CD300A: variants seen among roughly 807,000 people sequenced by gnomAD.
The protein encoded by CD300A is CMRF35-like molecule 8.
CD300A carries 22 observed loss-of-function variants against 33.6 expected under a neutral mutation model. The ratio of observed to expected loss-of-function variants is 0.66; its 90% CI spans 0.47 to 0.94. CD300A has a LOEUF of 0.94. Among genes scored for constraint, CD300A ranks in the 40% least tolerant of loss-of-function variants. CD300A has a pLI of 0.00. For missense variants in CD300A, 326 were observed against 360.5 expected, an observed-to-expected ratio of 0.90 and a Z score of 0.77; for synonymous variants, 136 against 148.1, an observed-to-expected ratio of 0.92 and a Z score of 0.59.
chr17:74,481,373 T>C (rs753746560), intron 5 of CD300A, 47 bp downstream of exon 5: 2 of 1,576,664 alleles, frequency 1.3e-6, no homozygotes, highest in South Asian at 2.2e-5. Context: ...GGGCGGAGGG[T>C]ACAGAGGCTG....
Position 74,484,268 on chromosome 17 carries a change from C to G in CD300A, c.*142C>G, listed in dbSNP as rs966340196. On this transcript the variant is annotated 3_prime_UTR_variant, in exon 7 of 7. Coordinates refer to ENST00000360141, the MANE Select transcript of CD300A (RefSeq NM_007261.4). ...CAGGCAGCTGGGTTTCCCAGGCCATCCCTCTGTTGCCATCAGCTTGATTGG... is the reference window on the plus strand; with the variant it reads ...CAGGCAGCTGGGTTTCCCAGGCCATGCCTCTGTTGCCATCAGCTTGATTGG... The G allele has an allele frequency of 2.3e-6, 2 of 867,204 alleles. No individual in the cohort carries two copies. Among genetic ancestry groups the G allele is most frequent in the African/African-American group, 3.4e-5 (2 of 58,796 alleles). The allele number at this position is 867,204 out of a possible 1,614,324, so 53.7% of individuals were successfully genotyped here.
chr17:74,467,464 C>T (rs11868856), intron 1 of CD300A, among the ~76,000 whole-genome samples: 1 of 151,742 alleles, frequency 6.6e-6, no homozygotes, highest in Non-Finnish European at 1.5e-5. Context: ...AAAGATCGGG[C>T]AGAGAAGCGC....
At chr17:74,483,516 C>G (rs934990669) in intron 6 of CD300A, among the ~76,000 whole-genome samples, 16 of 152,028 alleles carry the variant, frequency 1.1e-4, no homozygotes, top group African/African-American at 3.9e-4. Flanking sequence ...ACCACCACGC[C>G]CAGCTAGTTT....
rs777651028 is a variant in CD300A, at chr17:74,481,276, C to A, written c.629-13C>A. 3 of 1,613,650 alleles carry A rather than the reference C, an allele frequency of 1.9e-6. No homozygotes were observed. The highest frequency in any genetic ancestry group is 2.5e-6 in the Non-Finnish European group (3 of 1,179,816). ...TCCGGGATTCAACCTCCTTCCTCTCCTCTTGTCTCTAGCTGGTGACCATTC... is the reference window on the plus strand; with the variant it reads ...TCCGGGATTCAACCTCCTTCCTCTCATCTTGTCTCTAGCTGGTGACCATTC... On this transcript the variant is annotated splice_polypyrimidine_tract_variant and intron_variant, in intron 4 of 6. Transcript: ENST00000360141.
intron 1 of CD300A, among the ~76,000 whole-genome samples, chr17:74,471,880 A>G (rs566914316): frequency 2.0e-5 from 3 of 152,240 alleles, no homozygotes; most frequent in East Asian, 1.9e-4. Flanking sequence ...CGTTGAAGGT[A>G]TAAGAAGGAG....
At chr17:74,466,452 G>A, upstream of CD300A, 1 of 576,416 alleles carries the variant, frequency 1.7e-6, no homozygotes, top group Non-Finnish European at 3.1e-6. Context: ...CTCATCACTA[G>A]AAATAGCCGA....
intron 1 of CD300A, among the ~76,000 whole-genome samples, chr17:74,467,464 C>A (rs11868856): frequency 0.52 from 79,617 of 151,800 alleles, 23,190 homozygotes; most frequent in African/African-American, 0.78. Flanking sequence ...AAAGATCGGG[C>A]AGAGAAGCGC....
Position 74,481,733 on chromosome 17 carries a change from C to G in CD300A, c.674C>G (p.Thr225Arg), listed in dbSNP as rs1014259801. The G allele has an allele frequency of 1.2e-6, 2 of 1,608,810 alleles. No individual in the cohort carries two copies. The highest frequency in any genetic ancestry group is 2.2e-5 in the South Asian group (2 of 90,000). Reference protein sequence around the residue: ...ELSQNPKQAATQSELHYANLE... With the variant: ...ELSQNPKQAARQSELHYANLE... The stretch of plus-strand genomic sequence containing the variant: ...GACCTCCTGCCCACCCAGGCTGCCA[C>G]GCAGAGTGAGCTGCACTACGCAAAT... The change falls in exon 6 of 7, where the codon ACG becomes AGG. Residue 225 changes from threonine (T) to arginine (R), a missense_variant. Physicochemically the swap from Thr to Arg is moderately conservative, Grantham distance 71. Transcript: ENST00000360141.
In CD300A at chr17:74,473,889, C is replaced by T. The variant is rs1278313494; in HGVS notation, c.379+15C>T. ...CGTGTTCCCGGGTGAGCCCCTCCTT[C>T]CCTCAGCGCCTAAATAGGCTCAGGT... On this transcript the variant is annotated intron_variant, in intron 2 of 6. Transcript: ENST00000360141. The T allele has an allele frequency of 4.4e-6, 7 of 1,604,582 alleles. No homozygotes were observed. The highest frequency in any genetic ancestry group is 1.7e-4 in the Middle Eastern group (1 of 6,020).
chr17:74,473,576 CG>C lies in CD300A; in HGVS notation c.82del (p.Val28TrpfsTer5). 5 of 1,613,866 alleles carry C rather than the reference CG, an allele frequency of 3.1e-6. No individual in the cohort carries two copies. In the Middle Eastern group the frequency reaches 8.2e-4, roughly 266 times the overall value. ...LSKCRTVAGP[V>X]GGSLSVQCPY... is the part of the protein sequence containing the mutation. ...GCAAATGCAGGACCGTGGCGGGCCC[CG>C]TGGGGGGATCCCTGAGTGTGCAGTG... On this transcript the variant is annotated frameshift_variant, in exon 2 of 7. Transcript: ENST00000360141. LOFTEE classifies it high-confidence loss of function.
intron 1 of CD300A, among the ~76,000 whole-genome samples, chr17:74,467,622 G>C (rs1268387529): frequency 6.6e-6 from 1 of 152,224 alleles, no homozygotes; most frequent in Non-Finnish European, 1.5e-5. Flanking sequence ...CCTAGTCCTA[G>C]GGTATTGTAC....
At position 74,468,491 on chromosome 17, in the gene CD300A, C is replaced by T. The variant is rs559103327; in HGVS notation, c.40+1748C>T. Among the ~76,000 whole-genome samples, 34 of 151,774 alleles carry T rather than the reference C, an allele frequency of 2.2e-4. 1 individual carries two copies. The South Asian group carries it at 6.7e-3, about 30-fold the overall frequency. ...GAGACTACAGGTGTGTGCCACCACA[C>T]CCAGCTGGATTCTTAATTTTTTTTA... On this transcript the variant is annotated intron_variant, in intron 1 of 6. Transcript: ENST00000360141.
chr17:74,483,898 C>T, intron 6 of CD300A, 103 bp from the exon 7 acceptor site: 2 of 1,361,198 alleles, frequency 1.5e-6, no homozygotes, highest in Non-Finnish European at 2.0e-6. Context: ...ACAGTGAGGC[C>T]TCCCCAAAGC....
chr17:74,484,297 C>T lies in CD300A; in HGVS notation c.*171C>T. On this transcript the variant is annotated 3_prime_UTR_variant, in exon 7 of 7. Coordinates refer to ENST00000360141, the MANE Select transcript of CD300A (RefSeq NM_007261.4). ...CTGTTGCCATCAGCTTGATTGGCTT[C>T]CCCGAGGGCCAGCAGGGCTGGGGGC... 1.6e-6 allele frequency: 1 copy of T among 638,742 alleles called. No individual in the cohort carries two copies. Among genetic ancestry groups the T allele is most frequent in the Non-Finnish European group, 2.6e-6 (1 of 388,584 alleles). 39.6% of individuals were successfully genotyped at this position (638,742 alleles called of 1,614,324 possible).
At chr17:74,477,569 T>A (rs1165433471) in intron 4 of CD300A, 39 bp downstream of exon 4, 2 of 1,446,062 alleles carry the variant, frequency 1.4e-6, no homozygotes, top group Non-Finnish European at 1.9e-6. Context: ...CCACCTGGGG[T>A]GGTCAGACCC....
intron 2 of CD300A, 85 bp downstream of exon 2, chr17:74,473,959 AGTGTGT>A: frequency 1.7e-5 from 24 of 1,411,992 alleles, no homozygotes; most frequent in Non-Finnish European, 2.2e-5. Flanking sequence ...TGAAGCAGAC[AGTGTGT>A]GTGTGTGTGT....
chr17:74,477,453 C>G lies in CD300A; in HGVS notation c.551C>G (p.Ser184Cys). The G allele has an allele frequency of 6.2e-7, 1 of 1,613,754 alleles. No individual in the cohort carries two copies. Among genetic ancestry groups the G allele is most frequent in the Non-Finnish European group, 8.5e-7 (1 of 1,179,836 alleles). Residue 184 changes from serine to cysteine, a missense_variant, in exon 4 of 7, where the codon TCC becomes TGC. Transcript: ENST00000360141. ...VVNSQLPLLL[S>C]LLALLLLLLV... ...TCCTCCAGGCTCCCGCTGCTCCTCT[C>G]CCTGCTGGCATTGTTGCTGCTTCTG...
chr17:74,481,194 C>G, intron 4 of CD300A, 95 bp from the exon 5 acceptor site: 2 of 1,200,420 alleles, frequency 1.7e-6, no homozygotes, highest in South Asian at 2.5e-5. Flanking sequence ...GGGCTGAGGT[C>G]TCTAGGGAAA....
intron 1 of CD300A, among the ~76,000 whole-genome samples, chr17:74,471,072 G>A (rs1304666468): frequency 6.6e-6 from 1 of 152,184 alleles, no homozygotes; most frequent in Non-Finnish European, 1.5e-5. Context: ...TCAGCCTCCT[G>A]AGTAGCTGGG....
Sources: gnomAD v4.1 joint callset for allele counts (sites outside exome capture counted in the v4.1 genomes callset) on GRCh38, gnomAD v4.1.1 for gene constraint, MANE v1.5 for transcripts, NCBI Gene and HGNC (gene_info 2026-07-23, HGNC 2026-07-21) for gene names.